Variants in DLG1 observed in about 807,000 individuals in gnomAD.
DLG1 encodes discs large MAGUK scaffold protein 1, also known as disks large homolog 1.
DLG1 carries 42 observed loss-of-function variants against 123.4 expected under a neutral mutation model. The observed-to-expected ratio is 0.34, with a 90% confidence interval of 0.27 to 0.44. The LOEUF (loss-of-function observed/expected upper bound fraction) is 0.44. Among genes scored for constraint, DLG1 ranks in the 20% least tolerant of loss-of-function variants. The pLI is 1.00. For missense variants in DLG1, 942 were observed against 1,082.6 expected (o/e 0.87, Z 1.82); for synonymous variants, 317 against 356.2 (o/e 0.89, Z 1.24).
intron 4 of DLG1, among the ~76,000 whole-genome samples, chr3:197,274,569 G>A (rs4577441): frequency 0.94 from 143,037 of 152,268 alleles, 67,298 homozygotes; most frequent in East Asian, 1. Flanking sequence ...GTCAGGGCAA[G>A]TATTTTTTAG....
chr3:197,127,423 C>CA, intron 11 of DLG1, among the ~76,000 whole-genome samples: 1 of 39,562 alleles, frequency 2.5e-5, no homozygotes, highest in Non-Finnish European at 4.2e-5. Context: ...ATTCTGTCTC[C>CA]AAAAAAAAAA....
intron 4 of DLG1, among the ~76,000 whole-genome samples, chr3:197,267,931 G>A (rs559843705): frequency 4.6e-5 from 7 of 152,234 alleles, no homozygotes; most frequent in African/African-American, 1.7e-4. Context: ...CAGAGAAAGA[G>A]GTTATAGATA....
chr3:197,231,637 T>C (rs1412184953), intron 4 of DLG1, among the ~76,000 whole-genome samples: 1 of 150,618 alleles, frequency 6.6e-6, no homozygotes, highest in Non-Finnish European at 1.5e-5. Flanking sequence ...GAGGTGAAGG[T>C]TGCAGTGAGT....
intron 5 of DLG1, among the ~76,000 whole-genome samples, chr3:197,151,704 A>T (rs1793938721): frequency 6.6e-6 from 1 of 152,242 alleles, no homozygotes; most frequent in Admixed American, 6.5e-5. Context: ...AGAGGTTAAT[A>T]GCTAAAGTAG....
At chr3:197,233,950 T>C (rs189411791) in intron 4 of DLG1, among the ~76,000 whole-genome samples, 8 of 152,322 alleles carry the variant, frequency 5.3e-5, no homozygotes, top group Non-Finnish European at 7.4e-5. Context: ...TGATAAACAA[T>C]ATCCATGGTA....
intron 16 of DLG1, among the ~76,000 whole-genome samples, chr3:197,083,790 T>A (rs909232923): frequency 1.6e-5 from 2 of 122,036 alleles, no homozygotes; most frequent in African/African-American, 6.0e-5. Flanking sequence ...AGAACCCATC[T>A]CCACAAACAA....
intron 24 of DLG1, 47 bp downstream of exon 24, chr3:197,051,530 A>T (rs778267717): frequency 6.5e-7 from 1 of 1,548,004 alleles, no homozygotes; most frequent in Non-Finnish European, 8.9e-7. Flanking sequence ...ACATGGCTTC[A>T]AAGCAAAATT....
At position 197,044,631 on chromosome 3, in the gene DLG1, T is replaced by C; in HGVS notation, c.2674A>G (p.Lys892Glu). Residue 892 changes from lysine to glutamate, a missense_variant, in exon 25 of 25, where the codon AAG becomes GAG. By Grantham distance (56) the Lys-to-Glu change is moderately conservative (BLOSUM62 1). Coordinates refer to ENST00000667157, the MANE Select transcript of DLG1 (RefSeq NM_001366207.1). ...CAGAGAAACATGAGTTTTCATAGCT[T>C]TTCTTTTGCCGGAACCCAGATGTAA... is the stretch of plus-strand genomic sequence containing the variant. ...GSYIWVPAKE[K>E]L 1 of 1,602,674 alleles carries C rather than the reference T, an allele frequency of 6.2e-7. No individual in the cohort carries two copies. Among genetic ancestry groups the C allele is most frequent in the Non-Finnish European group, 8.5e-7 (1 of 1,172,970 alleles).
At chr3:197,196,164 T>C (rs1722370883) in intron 4 of DLG1, among the ~76,000 whole-genome samples, 1 of 87,046 alleles carries the variant, frequency 1.1e-5, no homozygotes, top group Non-Finnish European at 2.1e-5. Flanking sequence ...CGTTTGTAAA[T>C]GCACACCAAA....
intron 8 of DLG1, 30 bp downstream of exon 8, chr3:197,140,110 C>CA (rs1365902528): frequency 6.9e-6 from 11 of 1,602,258 alleles, no homozygotes; most frequent in Non-Finnish European, 9.4e-6. Context: ...AAAGTGGATT[C>CA]AGCATCACAA....
In DLG1 at chr3:197,125,337, T is replaced by C. The variant is rs1778483860; in HGVS notation, c.1165+5190A>G. Among the ~76,000 whole-genome samples, 3 of 152,190 alleles carry C rather than the reference T, an allele frequency of 2.0e-5. 1 individual carries two copies. Among genetic ancestry groups the C allele is most frequent in the South Asian group, 4.1e-4 (2 of 4,822 alleles). On this transcript the variant is annotated intron_variant, in intron 11 of 24. Coordinates refer to ENST00000667157, the MANE Select transcript of DLG1 (RefSeq NM_001366207.1). ...AAGCAGAATTTTGTGCTTTTCTCCA[T>C]GGTTCTGCTTTTTAGGAACCATAAA...
chr3:197,245,731 G>C (rs1018918032), intron 4 of DLG1, among the ~76,000 whole-genome samples: 2 of 152,158 alleles, frequency 1.3e-5, no homozygotes, highest in African/African-American at 4.8e-5. Flanking sequence ...TTCAGCGGGA[G>C]TGAAGATGGG....
intron 17 of DLG1, among the ~76,000 whole-genome samples, chr3:197,080,177 C>G (rs1299553629): frequency 6.6e-6 from 1 of 150,686 alleles, no homozygotes; most frequent in Admixed American, 6.6e-5. Flanking sequence ...CTATCGACAG[C>G]CCAAGTATTT....
intron 4 of DLG1, among the ~76,000 whole-genome samples, chr3:197,251,904 G>C (rs1287018521): frequency 1.3e-5 from 2 of 152,200 alleles, no homozygotes; most frequent in African/African-American, 4.8e-5. Flanking sequence ...TAGACCTGTC[G>C]AGTGTGGGAA....
chr3:197,077,636 G>A (rs961365078), intron 17 of DLG1, among the ~76,000 whole-genome samples: 7 of 152,212 alleles, frequency 4.6e-5, no homozygotes, highest in Admixed American at 2.0e-4. Flanking sequence ...TAATTGTAAC[G>A]TGGAGTTGAG....
At chr3:197,121,393 T>C (rs1776291234) in intron 11 of DLG1, among the ~76,000 whole-genome samples, 1 of 152,066 alleles carries the variant, frequency 6.6e-6, no homozygotes, top group African/African-American at 2.4e-5. Flanking sequence ...TATAAGATTT[T>C]ATAGAAAAGC....
At chr3:197,277,157 G>A (rs543270910) in intron 4 of DLG1, among the ~76,000 whole-genome samples, 2 of 151,210 alleles carry the variant, frequency 1.3e-5, no homozygotes, top group Non-Finnish European at 2.9e-5. Flanking sequence ...CTCCCAAAGT[G>A]CTGGAATTAC....
At chr3:197,095,948 T>C (rs895571192) in intron 14 of DLG1, among the ~76,000 whole-genome samples, 4 of 152,154 alleles carry the variant, frequency 2.6e-5, no homozygotes, top group Admixed American at 2.6e-4. Context: ...CAAAGGATAT[T>C]ATAGAACAAT....
chr3:197,068,022 C>T (rs981671907), intron 19 of DLG1, among the ~76,000 whole-genome samples: 1 of 152,144 alleles, frequency 6.6e-6, no homozygotes, highest in Non-Finnish European at 1.5e-5. Context: ...AACAATTTTA[C>T]CATGAATTTT....
Sources: gnomAD v4.1 joint callset for allele counts (sites outside exome capture counted in the v4.1 genomes callset) on GRCh38, gnomAD v4.1.1 for gene constraint, MANE v1.5 for transcripts, NCBI Gene and HGNC (gene_info 2026-07-23, HGNC 2026-07-21) for gene names.